The following MAST4 variants were observed in gnomAD, a reference collection of about 807,000 sequenced individuals.
The protein encoded by MAST4 is microtubule associated serine/threonine kinase family member 4.
Under a neutral mutation model 162.7 loss-of-function variants are expected in MAST4, and 89 were observed. The ratio of observed to expected loss-of-function variants is 0.55; its 90% CI spans 0.46 to 0.65. The LOEUF (loss-of-function observed/expected upper bound fraction) is 0.65. Ranked by LOEUF, MAST4 falls within the 30% of genes least tolerant of loss-of-function variation. The pLI is 0.00. For synonymous variants in MAST4, 1,479 were observed against 1,361.1 expected, an observed-to-expected ratio of 1.09 and a Z score of -1.91; for missense variants, 3,153 against 3,374.0, an observed-to-expected ratio of 0.93 and a Z score of 1.62.
chr5:66,776,612 T>C (rs1754613562), intron 2 of MAST4, among the ~76,000 whole-genome samples: 1 of 152,206 alleles, frequency 6.6e-6, no homozygotes, highest in Non-Finnish European at 1.5e-5. Context: ...AATATTCTTC[T>C]AGGCAGTGTG....
chr5:66,884,636 G>A (rs1330242095), intron 3 of MAST4, among the ~76,000 whole-genome samples: 1 of 152,208 alleles, frequency 6.6e-6, no homozygotes, highest in Non-Finnish European at 1.5e-5. Flanking sequence ...CTCTGCTACT[G>A]TAGGGGTATC....
intron 1 of MAST4, among the ~76,000 whole-genome samples, chr5:66,700,054 G>C (rs530490738): frequency 6.8e-6 from 1 of 147,526 alleles, no homozygotes; most frequent in East Asian, 2.1e-4. Context: ...CGACATTTTT[G>C]GTGTTGACTG....
At chr5:66,774,273 G>C (rs917770801) in intron 2 of MAST4, among the ~76,000 whole-genome samples, 1 of 152,204 alleles carries the variant, frequency 6.6e-6, no homozygotes, top group Admixed American at 6.5e-5. Context: ...TTCTGTCTTG[G>C]TCTTGGTTGC....
intron 3 of MAST4, among the ~76,000 whole-genome samples, chr5:66,893,385 T>G (rs1762483561): frequency 6.9e-6 from 1 of 145,558 alleles, no homozygotes; most frequent in African/African-American, 2.6e-5. Context: ...TTTTTTTTTG[T>G]GTGTGTGTGT....
At chr5:66,972,421 G>A (rs1367640916) in intron 4 of MAST4, among the ~76,000 whole-genome samples, 1 of 152,134 alleles carries the variant, frequency 6.6e-6, no homozygotes, top group Non-Finnish European at 1.5e-5. Flanking sequence ...TTCTCACAGT[G>A]GTATTGTTTT....
intron 21 of MAST4, among the ~76,000 whole-genome samples, chr5:67,143,535 A>G (rs908463594): frequency 4.6e-5 from 7 of 152,138 alleles, no homozygotes; most frequent in Non-Finnish European, 2.9e-5. Context: ...GTAGCTATAT[A>G]TTTTCTGTTG....
chr5:66,881,823 G>C (rs1255336864), intron 3 of MAST4, among the ~76,000 whole-genome samples: 1 of 152,078 alleles, frequency 6.6e-6, no homozygotes, highest in African/African-American at 2.4e-5. Flanking sequence ...TGTTTCATTT[G>C]CCCCCAAGTC....
At chr5:66,722,556 A>G (rs1218864261) in intron 1 of MAST4, among the ~76,000 whole-genome samples, 3 of 151,920 alleles carry the variant, frequency 2.0e-5, no homozygotes, top group Non-Finnish European at 4.4e-5. Context: ...CCAGCAGGGT[A>G]GGGATCTGTG....
At chr5:66,987,934 C>T (rs1282705690) in intron 4 of MAST4, among the ~76,000 whole-genome samples, 1 of 152,146 alleles carries the variant, frequency 6.6e-6, no homozygotes, top group East Asian at 1.9e-4. Flanking sequence ...ATTAAAGTTG[C>T]TCTTTTTGTG....
chr5:66,908,066 A>G lies in MAST4; in HGVS notation c.674+8084A>G, dbSNP rs1763505097. Reference sequence around the variant, plus strand: ...AAAAATCGAGTGTCGCATCTGAATTAGCATTTAAAGTGGCATGTTTACATA... The same window carrying G: ...AAAAATCGAGTGTCGCATCTGAATTGGCATTTAAAGTGGCATGTTTACATA... On this transcript the variant is annotated intron_variant, in intron 4 of 28. Transcript: ENST00000403625. Among the ~76,000 whole-genome samples, 3 of 152,242 alleles carry G rather than the reference A, an allele frequency of 2.0e-5. No homozygotes were observed. The South Asian group carries it at 6.2e-4, about 32-fold the overall frequency.
At chr5:67,032,528 G>A (rs1755469063) in intron 4 of MAST4, among the ~76,000 whole-genome samples, 1 of 152,156 alleles carries the variant, frequency 6.6e-6, no homozygotes, top group Non-Finnish European at 1.5e-5. Flanking sequence ...AAGGTATCAT[G>A]TTAGAATAAA....
At chr5:66,917,857 T>C (rs868290493) in intron 4 of MAST4, among the ~76,000 whole-genome samples, 1 of 152,212 alleles carries the variant, frequency 6.6e-6, no homozygotes, top group South Asian at 2.1e-4. Flanking sequence ...TTTCATGACT[T>C]TTTTTAGCCA....
chr5:66,820,259 A>G (rs910933424), intron 3 of MAST4, among the ~76,000 whole-genome samples: 1 of 152,138 alleles, frequency 6.6e-6, no homozygotes, highest in Non-Finnish European at 1.5e-5. Flanking sequence ...ATATCTTTTC[A>G]CTTTAGGGAT....
At chr5:66,961,626 G>A (rs1353375740) in intron 4 of MAST4, among the ~76,000 whole-genome samples, 8 of 152,206 alleles carry the variant, frequency 5.3e-5, no homozygotes, top group Non-Finnish European at 2.9e-5. Context: ...GAGAAAGGTA[G>A]ATTTTTTTGT....
At position 66,695,564 on chromosome 5, in the gene MAST4, G is replaced by A. The variant is rs960989770; in HGVS notation, c.364-64145G>A. On this transcript the variant is annotated intron_variant, in intron 1 of 28. Coordinates refer to ENST00000403625, the MANE Select transcript of MAST4 (RefSeq NM_001164664.2). ...TCTAATTATGTGAAGAATGTCAATC[G>A]TAGTTTAATGTGAATAGCATTGAAT... 2.6e-5 allele frequency among the ~76,000 whole-genome samples: 4 copies of A among 152,162 alleles called. No individual in the cohort carries two copies. The East Asian group carries it at 5.8e-4, about 22-fold the overall frequency.
At chr5:66,839,354 A>G (rs1474116932) in intron 3 of MAST4, among the ~76,000 whole-genome samples, 2 of 152,192 alleles carry the variant, frequency 1.3e-5, no homozygotes, top group East Asian at 3.8e-4. Flanking sequence ...GCCTGGAGAG[A>G]GACTGTAAAG....
chr5:66,750,584 C>T (rs567664428), intron 1 of MAST4, among the ~76,000 whole-genome samples: 262 of 152,310 alleles, frequency 1.7e-3, no homozygotes, highest in African/African-American at 5.9e-3. Context: ...TGCGCTTTTC[C>T]GACCGGCTTA....
At chr5:66,687,209 G>A (rs1274113919) in intron 1 of MAST4, among the ~76,000 whole-genome samples, 1 of 152,106 alleles carries the variant, frequency 6.6e-6, no homozygotes, top group Non-Finnish European at 1.5e-5. Context: ...CCAATACGTA[G>A]TTTTTAAACC....
intron 3 of MAST4, among the ~76,000 whole-genome samples, chr5:66,880,781 C>T (rs1308325156): frequency 6.6e-6 from 1 of 152,178 alleles, no homozygotes; most frequent in East Asian, 1.9e-4. Flanking sequence ...GATAGAAACA[C>T]AGTATTAAAG....
Sources: gnomAD v4.1 joint callset for allele counts (sites outside exome capture counted in the v4.1 genomes callset) on GRCh38, gnomAD v4.1.1 for gene constraint, MANE v1.5 for transcripts, NCBI Gene and HGNC (gene_info 2026-07-23, HGNC 2026-07-21) for gene names.